Variants in VPS13D observed in about 807,000 individuals in gnomAD.
VPS13D encodes intermembrane lipid transfer protein VPS13D.
Under a neutral mutation model 461.9 loss-of-function variants are expected in VPS13D, and 187 were observed. The ratio of observed to expected loss-of-function variants is 0.40; its 90% CI spans 0.36 to 0.46. The LOEUF (loss-of-function observed/expected upper bound fraction) is 0.46, where lower values mean the gene tolerates loss of function less well. Among genes scored for constraint, VPS13D ranks in the 20% least tolerant of loss-of-function variants. VPS13D has a pLI of 0.60. For synonymous variants in VPS13D, 1,951 were observed against 1,986.3 expected (o/e 0.98, Z 0.47); for missense variants, 4,711 against 5,364.9 (o/e 0.88, Z 3.81).
chr1:12,381,980 T>TTCTTTCTTTCTTTCTCTC (rs1318974573), intron 57 of VPS13D, among the ~76,000 whole-genome samples: 2 of 131,184 alleles, frequency 1.5e-5, no homozygotes, highest in African/African-American at 2.9e-5. Flanking sequence ...CTTTCTTTCT[T>TTCTTTCTTTCTTTCTCTC]TCTCTCTCTC....
chr1:12,447,464 T>C (rs538930768), intron 65 of VPS13D, among the ~76,000 whole-genome samples: 32 of 152,320 alleles, frequency 2.1e-4, no homozygotes, highest in African/African-American at 6.5e-4. Context: ...TGACGAACGT[T>C]GTTGGCTGAT....
intron 42 of VPS13D, among the ~76,000 whole-genome samples, chr1:12,343,956 A>C (rs1327998892): frequency 2.0e-5 from 3 of 152,238 alleles, no homozygotes; most frequent in Admixed American, 2.0e-4. Flanking sequence ...CAGGACTCAA[A>C]GCTAATAAGA....
At chr1:12,348,746 A>G (rs1388452421) in intron 44 of VPS13D, 77 bp from the exon 45 acceptor site, 1 of 1,540,508 alleles carries the variant, frequency 6.5e-7, no homozygotes, top group East Asian at 2.3e-5. Flanking sequence ...TTTAAGGTAG[A>G]CATTCTGATC....
intron 67 of VPS13D, among the ~76,000 whole-genome samples, chr1:12,469,518 G>A (rs746597387): frequency 5.3e-5 from 8 of 152,180 alleles, no homozygotes; most frequent in Non-Finnish European, 7.3e-5. Flanking sequence ...AAACGTACCT[G>A]GTTAATTTTT....
intron 26 of VPS13D, 102 bp downstream of exon 26, chr1:12,304,830 G>A (rs1444752336): frequency 5.3e-6 from 6 of 1,125,012 alleles, no homozygotes; most frequent in African/African-American, 3.1e-5. Flanking sequence ...AAATGTTAAC[G>A]AAGAGATAGC....
intron 39 of VPS13D, 106 bp downstream of exon 39, chr1:12,335,933 C>T: frequency 6.6e-7 from 1 of 1,525,278 alleles, no homozygotes; most frequent in African/African-American, 1.4e-5. Context: ...GAAAAACCTA[C>T]AGGAAATTCT....
chr1:12,364,396 A>G (rs1643999660), intron 52 of VPS13D, among the ~76,000 whole-genome samples: 1 of 152,212 alleles, frequency 6.6e-6, no homozygotes, highest in African/African-American at 2.4e-5. Flanking sequence ...TCACCTATTA[A>G]TGAACACTTG....
intron 67 of VPS13D, among the ~76,000 whole-genome samples, chr1:12,469,060 T>G (rs114026916): frequency 0.024 from 3,681 of 151,864 alleles, 68 homozygotes; most frequent in South Asian, 0.059. Flanking sequence ...AACAAAAAAC[T>G]TTTGTTATAT....
rs1644348011 is a variant in VPS13D, at chr1:12,386,118, A to G, written c.11485-67A>G. 2.2e-5 allele frequency: 33 copies of G among 1,489,278 alleles called. 1 individual carries two copies. The highest frequency in any genetic ancestry group is 3.0e-5 in the Non-Finnish European group (33 of 1,117,436). The allele number at this position is 1,489,278 out of a possible 1,614,324, so 92.3% of individuals were successfully genotyped here. On this transcript the variant is annotated intron_variant, in intron 59 of 69. Coordinates refer to ENST00000620676, the MANE Select transcript of VPS13D (RefSeq NM_015378.4). ...GGAATGTAAAATGCTTTATTTTCTT[A>G]TACTCTCCTGGATACTGTGAGCTGT...
At chr1:12,469,278 C>A (rs1645533048) in intron 67 of VPS13D, among the ~76,000 whole-genome samples, 1 of 152,236 alleles carries the variant, frequency 6.6e-6, no homozygotes, top group African/African-American at 2.4e-5. Context: ...TATTCATGTA[C>A]TTATATATGA....
intron 65 of VPS13D, among the ~76,000 whole-genome samples, chr1:12,449,164 A>C (rs1053194465): frequency 1.3e-5 from 2 of 150,336 alleles, no homozygotes; most frequent in Non-Finnish European, 3.0e-5. Flanking sequence ...TCATTGGCTT[A>C]GGCATATTAC....
intron 65 of VPS13D, among the ~76,000 whole-genome samples, chr1:12,421,833 C>T (rs1323649610): frequency 6.6e-6 from 1 of 152,074 alleles, no homozygotes; most frequent in African/African-American, 2.4e-5. Context: ...TTCCATCCCC[C>T]TTTTTTTGAG....
Position 12,283,505 on chromosome 1 carries a change from C to T in VPS13D, c.5403C>T (p.Ser1801=). 1 of 1,614,208 alleles carries T rather than the reference C, an allele frequency of 6.2e-7. No homozygotes were observed. The highest frequency in any genetic ancestry group is 8.5e-7 in the Non-Finnish European group (1 of 1,180,022). ...ATAAGAAACATCCAGAATTCTCTTCCAGTTACAATCGAGTTAACCGGAGCA... is the reference window on the plus strand; with the variant it reads ...ATAAGAAACATCCAGAATTCTCTTCTAGTTACAATCGAGTTAACCGGAGCA... ...LVDKKHPEFS[S]SYNRVNRSID... Residue 1801 remains serine (S), a synonymous_variant, in exon 21 of 70, where the codon TCC becomes TCT. Transcript: ENST00000620676.
At chr1:12,263,026 T>C (rs917201900) in intron 13 of VPS13D, among the ~76,000 whole-genome samples, 1 of 152,164 alleles carries the variant, frequency 6.6e-6, no homozygotes, top group Non-Finnish European at 1.5e-5. Context: ...TTTCAACTTA[T>C]GGTGGGTTTA....
chr1:12,249,405 T>C, intron 6 of VPS13D, 66 bp downstream of exon 6: 3 of 1,321,098 alleles, frequency 2.3e-6, no homozygotes, highest in Non-Finnish European at 3.2e-6. Flanking sequence ...GGCTCTGCCT[T>C]TTGCCATTTT....
intron 60 of VPS13D, among the ~76,000 whole-genome samples, chr1:12,390,029 A>G (rs1570072813): frequency 6.6e-6 from 1 of 152,346 alleles, no homozygotes; most frequent in East Asian, 1.9e-4. Flanking sequence ...GCGGAGCCCA[A>G]AGTGTCCAGG....
intron 17 of VPS13D, 145 bp from the exon 18 acceptor site, chr1:12,272,858 C>A: frequency 8.7e-7 from 1 of 1,155,942 alleles, no homozygotes; most frequent in Non-Finnish European, 1.2e-6. Context: ...TTTACATCTA[C>A]TTTTGTCTTA....
At chr1:12,356,267 A>G in intron 48 of VPS13D, 131 bp from the exon 49 acceptor site, 1 of 1,405,832 alleles carries the variant, frequency 7.1e-7, no homozygotes, top group Non-Finnish European at 9.5e-7. Flanking sequence ...CTTTTTAGGC[A>G]AGAAACTGAG....
At chr1:12,422,039 G>T (rs965186704) in intron 65 of VPS13D, among the ~76,000 whole-genome samples, 3 of 152,120 alleles carry the variant, frequency 2.0e-5, no homozygotes, top group African/African-American at 7.2e-5. Context: ...ATGTTGGCCA[G>T]GCTGGTCTTG....
Sources: gnomAD v4.1 joint callset for allele counts (sites outside exome capture counted in the v4.1 genomes callset) on GRCh38, gnomAD v4.1.1 for gene constraint, MANE v1.5 for transcripts, NCBI Gene and HGNC (gene_info 2026-07-23, HGNC 2026-07-21) for gene names.